Variants in CCDC192 observed in about 807,000 individuals in gnomAD.
The protein encoded by CCDC192 is coiled-coil domain containing 192.
rs190119924 is a variant in CCDC192 at position 127,938,861 on chromosome 5, G to C, written c.536-2321G>C. Among the ~76,000 whole-genome samples, 534 of 152,194 alleles carry C rather than the reference G, an allele frequency of 3.5e-3. 3 individuals carry two copies. Among genetic ancestry groups the C allele is most frequent in the African/African-American group, 0.012 (508 of 41,522 alleles). On this transcript the variant is annotated intron_variant, in intron 6 of 6. Coordinates refer to ENST00000514853, the MANE Select transcript of CCDC192 (RefSeq NM_001317938.2). ...CAAATGAAAGGAAAGGTGAGACCCT[G>C]GCACATCAGGAGATGAGGAAGGCCT...
intron 6 of CCDC192, among the ~76,000 whole-genome samples, chr5:127,907,727 A>T (rs1753238893): frequency 6.6e-6 from 1 of 152,244 alleles, no homozygotes; most frequent in African/African-American, 2.4e-5. Context: ...GAAGTAATGT[A>T]GCTCACATAA....
intron 6 of CCDC192, among the ~76,000 whole-genome samples, chr5:127,916,243 G>C (rs993410533): frequency 2.6e-5 from 4 of 152,254 alleles, no homozygotes; most frequent in Admixed American, 1.3e-4. Context: ...CACATCTTTA[G>C]TCTCCATTTC....
chr5:127,869,248 C>G (rs1043314054), intron 5 of CCDC192, among the ~76,000 whole-genome samples: 2 of 152,024 alleles, frequency 1.3e-5, no homozygotes, highest in East Asian at 3.8e-4. Context: ...CACTTGAACC[C>G]GGGAGGTGGA....
intron 2 of CCDC192, among the ~76,000 whole-genome samples, chr5:127,744,377 A>G (rs1262407237): frequency 6.6e-6 from 1 of 151,924 alleles, no homozygotes; most frequent in Non-Finnish European, 1.5e-5. Context: ...AGAAGGAGAG[A>G]GGAATGGACA....
intron 5 of CCDC192, among the ~76,000 whole-genome samples, chr5:127,849,000 C>T (rs1472277564): frequency 1.3e-5 from 2 of 152,022 alleles, no homozygotes; most frequent in Non-Finnish European, 2.9e-5. Context: ...GAGGCTGAGG[C>T]GGGCAGATCA....
rs184603188 is a variant in CCDC192 at position 127,774,960 on chromosome 5, T to C, written c.222+20585T>C. ...ACATTTTGAGTTTGCATTGTACCAG[T>C]GTTTCCCTTCCTTGGTTAAATTTAT... On this transcript the variant is annotated intron_variant, in intron 3 of 6. Transcript: ENST00000514853. Among the ~76,000 whole-genome samples the C allele has an allele frequency of 4.6e-5, 7 of 152,344 alleles. No individual in the cohort carries two copies. In the East Asian group the frequency reaches 1.3e-3, roughly 29 times the overall value.
intron 5 of CCDC192, among the ~76,000 whole-genome samples, chr5:127,822,518 A>G (rs1561508084): frequency 6.6e-6 from 1 of 152,222 alleles, no homozygotes; most frequent in Non-Finnish European, 1.5e-5. Flanking sequence ...CAGATGGTTA[A>G]ATGGCTAAAA....
At chr5:127,745,433 T>A (rs1488232738) in intron 2 of CCDC192, among the ~76,000 whole-genome samples, 1 of 152,222 alleles carries the variant, frequency 6.6e-6, no homozygotes, top group Admixed American at 6.5e-5. Context: ...ATTTGTTCAG[T>A]TAGTAAACTA....
At chr5:127,874,455 G>A (rs1751985126) in intron 5 of CCDC192, among the ~76,000 whole-genome samples, 2 of 152,086 alleles carry the variant, frequency 1.3e-5, no homozygotes, top group Non-Finnish European at 2.9e-5. Flanking sequence ...AGTGAAATGA[G>A]GGGTCTTTGA....
intron 5 of CCDC192, among the ~76,000 whole-genome samples, chr5:127,803,565 A>G (rs1340886085): frequency 3.3e-5 from 5 of 152,232 alleles, no homozygotes; most frequent in Non-Finnish European, 2.9e-5. Flanking sequence ...AATGCCTTCC[A>G]AATTATGGAA....
At chr5:127,749,904 G>C (rs1437639265) in intron 2 of CCDC192, among the ~76,000 whole-genome samples, 1 of 152,138 alleles carries the variant, frequency 6.6e-6, no homozygotes, top group Non-Finnish European at 1.5e-5. Flanking sequence ...TTTGCGTAGA[G>C]GTGTTTATAG....
chr5:127,808,838 A>C (rs1420060237), intron 5 of CCDC192, among the ~76,000 whole-genome samples: 1 of 152,180 alleles, frequency 6.6e-6, no homozygotes, highest in Non-Finnish European at 1.5e-5. Flanking sequence ...CTTGACACAC[A>C]GGAGGTGCTC....
At chr5:127,939,043 T>C (rs771786176) in intron 6 of CCDC192, among the ~76,000 whole-genome samples, 7 of 151,868 alleles carry the variant, frequency 4.6e-5, no homozygotes, top group Non-Finnish European at 8.8e-5. Flanking sequence ...ATGAACTAAA[T>C]GCTTTTTTGA....
chr5:127,897,258 A>G (rs1332731860), intron 6 of CCDC192, among the ~76,000 whole-genome samples: 2 of 152,090 alleles, frequency 1.3e-5, no homozygotes, highest in Admixed American at 1.3e-4. Context: ...TAAAGTGAAA[A>G]TTTCTATATT....
rs1756149432 is a variant in CCDC192 at position 127,780,507 on chromosome 5, T to C, written c.223-16596T>C. Among the ~76,000 whole-genome samples the C allele has an allele frequency of 2.0e-5, 3 of 152,242 alleles. No homozygotes were observed. The South Asian group carries it at 6.2e-4, about 31-fold the overall frequency. The stretch of plus-strand genomic sequence containing the variant: ...CTACTGTTTTTTTATTTTTTGATTA[T>C]GGCAATTCTTGCAGGAGTAGGATGA... On this transcript the variant is annotated intron_variant, in intron 3 of 6. Coordinates refer to ENST00000514853, the MANE Select transcript of CCDC192 (RefSeq NM_001317938.2).
intron 2 of CCDC192, among the ~76,000 whole-genome samples, chr5:127,752,526 C>G (rs1383687744): frequency 2.0e-5 from 3 of 152,218 alleles, no homozygotes; most frequent in Non-Finnish European, 4.4e-5. Context: ...AGCTGTCAGA[C>G]AGGGACATTT....
chr5:127,866,721 C>A (rs1286907732), intron 5 of CCDC192, among the ~76,000 whole-genome samples: 1 of 152,010 alleles, frequency 6.6e-6, no homozygotes, highest in Non-Finnish European at 1.5e-5. Context: ...TTGCTTTTAA[C>A]ACGGAAAACA....
At chr5:127,760,256 T>C (rs1160084886) in intron 3 of CCDC192, among the ~76,000 whole-genome samples, 1 of 110,170 alleles carries the variant, frequency 9.1e-6, no homozygotes, top group African/African-American at 3.7e-5. Context: ...TTAACCATTT[T>C]AATACAGTGG....
intron 3 of CCDC192, among the ~76,000 whole-genome samples, chr5:127,788,157 G>T (rs1487731980): frequency 1.3e-5 from 2 of 149,890 alleles, no homozygotes; most frequent in Non-Finnish European, 1.5e-5. Context: ...TACTTCTTCT[G>T]TAAATTCTAT....
Sources: gnomAD v4.1 joint callset for allele counts (sites outside exome capture counted in the v4.1 genomes callset) on GRCh38, gnomAD v4.1.1 for gene constraint, MANE v1.5 for transcripts, NCBI Gene and HGNC (gene_info 2026-07-23, HGNC 2026-07-21) for gene names.